Variants in ZMYND8 observed in about 807,000 individuals in gnomAD.
ZMYND8 encodes zinc finger MYND-type containing 8, also known as MYND-type zinc finger-containing chromatin reader ZMYND8.
In ZMYND8, 37 loss-of-function variants were observed where a neutral mutation model predicts 140.8. That is an observed-to-expected ratio of 0.26 (90% CI 0.20 to 0.35). The LOEUF (loss-of-function observed/expected upper bound fraction) is 0.35. Among genes scored for constraint, ZMYND8 ranks in the 10% least tolerant of loss-of-function variants. The probability of loss-of-function intolerance (pLI) is 1.00; values close to 1 mark genes in which losing one functional copy is unlikely to be tolerated. For synonymous variants in ZMYND8, 592 were observed against 597.1 expected (o/e 0.99, Z 0.12); for missense variants, 1,068 against 1,570.0 (o/e 0.68, Z 5.40).
At chr20:47,349,864 AAGG>A in intron 1 of ZMYND8, 2 of 1,535,692 alleles carry the variant, frequency 1.3e-6, no homozygotes, top group Non-Finnish European at 1.7e-6. Flanking sequence ...AACCCACTTG[AAGG>A]ATTTCTGCAG....
Position 47,224,438 on chromosome 20 carries a change from C to A in ZMYND8, c.3135G>T (p.Lys1045Asn). The A allele has an allele frequency of 6.2e-7, 1 of 1,614,264 alleles. No homozygotes were observed. The highest frequency in any genetic ancestry group is 8.5e-7 in the Non-Finnish European group (1 of 1,180,052). ...CCTTCTTGCAGTTGGCGCACCACTGCTTCTTCTTGGTCTCATCCACCGCCT... is the reference window on the plus strand; with the variant it reads ...CCTTCTTGCAGTTGGCGCACCACTGATTCTTCTTGGTCTCATCCACCGCCT... ...KQQAVDETKK[K>N]QWCANCKKEA... is the part of the protein sequence containing the mutation. The change falls in exon 19 of 23, where the codon AAG (lysine) becomes AAT (asparagine). Residue 1045 changes from lysine to asparagine, a missense_variant. Physicochemically the swap from Lys to Asn is moderately conservative, Grantham distance 94. This residue lies in a region of ZMYND8 where 87 missense variants were observed against 151.1 expected (regional missense o/e 0.58). Coordinates refer to ENST00000471951, the MANE Select transcript of ZMYND8 (RefSeq NM_001281775.3).
chr20:47,263,257 A>C (rs142107936), intron 11 of ZMYND8, among the ~76,000 whole-genome samples: 1 of 151,676 alleles, frequency 6.6e-6, no homozygotes, highest in Non-Finnish European at 1.5e-5. Flanking sequence ...GCCCATTTAA[A>C]AACAGCTGGG....
chr20:47,272,059 G>T (rs899578129), intron 11 of ZMYND8, among the ~76,000 whole-genome samples: 5 of 151,490 alleles, frequency 3.3e-5, no homozygotes, highest in Non-Finnish European at 7.4e-5. Context: ...TAAAAAAAGG[G>T]GGGGGGGAGT....
intron 1 of ZMYND8, chr20:47,349,844 A>T (rs572427370): frequency 6.6e-7 from 1 of 1,515,458 alleles, no homozygotes; most frequent in East Asian, 2.4e-5. Flanking sequence ...TGCAGAACTG[A>T]GCCAAAAAAA....
chr20:47,290,731 A>G (rs978511325), intron 6 of ZMYND8, among the ~76,000 whole-genome samples: 2 of 151,480 alleles, frequency 1.3e-5, no homozygotes, highest in Admixed American at 1.3e-4. Context: ...AGCTGGAATT[A>G]CAGGCGTGTG....
In ZMYND8 at chr20:47,224,580, C is replaced by T. The variant is rs148902418; in HGVS notation, c.3017-24G>A. On this transcript the variant is annotated intron_variant, in intron 18 of 22. Coordinates refer to ENST00000471951, the MANE Select transcript of ZMYND8 (RefSeq NM_001281775.3). Reference sequence around the variant, plus strand: ...CTCTGGTGGAGGAGGGGAAGAACACCGCTCATCACCTGACCCCAGCCTGGG... The same window carrying T: ...CTCTGGTGGAGGAGGGGAAGAACACTGCTCATCACCTGACCCCAGCCTGGG... 1,126 of 1,610,070 alleles carry T rather than the reference C, an allele frequency of 7.0e-4. 5 individuals carry two copies. The African/African-American group carries it at 0.013, about 18-fold the overall frequency.
chr20:47,348,344 CAA>C (rs2082500320), intron 1 of ZMYND8: 1 of 202,086 alleles, frequency 4.9e-6, no homozygotes, highest in East Asian at 1.5e-4. Flanking sequence ...TACTTTAGGG[CAA>C]AGAGTAAGAT....
intron 2 of ZMYND8, among the ~76,000 whole-genome samples, chr20:47,335,200 C>T (rs185053940): frequency 2.6e-5 from 4 of 152,052 alleles, no homozygotes; most frequent in African/African-American, 7.2e-5. Flanking sequence ...GAGCCGAGAT[C>T]GTCCCACTGC....
chr20:47,273,383 T>C (rs2076074007), intron 11 of ZMYND8, among the ~76,000 whole-genome samples: 1 of 151,998 alleles, frequency 6.6e-6, no homozygotes, highest in Non-Finnish European at 1.5e-5. Context: ...CTGTCTCTAC[T>C]AAAAATACAA....
chr20:47,306,020 C>T (rs2078452711), intron 3 of ZMYND8, among the ~76,000 whole-genome samples: 1 of 152,064 alleles, frequency 6.6e-6, no homozygotes, highest in Non-Finnish European at 1.5e-5. Flanking sequence ...AACACTGGAC[C>T]AAAGGTCTTT....
intron 14 of ZMYND8, among the ~76,000 whole-genome samples, chr20:47,241,442 C>A (rs1185706634): frequency 6.6e-6 from 1 of 151,762 alleles, no homozygotes; most frequent in African/African-American, 2.4e-5. Context: ...AGGAGCTGGG[C>A]TGGTGGGGAA....
intron 2 of ZMYND8, among the ~76,000 whole-genome samples, chr20:47,311,308 T>A (rs1241991657): frequency 2.0e-5 from 3 of 152,176 alleles, no homozygotes; most frequent in Non-Finnish European, 4.4e-5. Context: ...CAGCATCTCA[T>A]TTAAACACAT....
chr20:47,356,330 A>G, intron 1 of ZMYND8: 1 of 1,411,418 alleles, frequency 7.1e-7, no homozygotes, highest in East Asian at 3.1e-5. Flanking sequence ...GGGAAGAGGG[A>G]AAGAAAAAAA....
chr20:47,285,536 G>A (rs2147904115), intron 8 of ZMYND8, among the ~76,000 whole-genome samples: 1 of 152,230 alleles, frequency 6.6e-6, no homozygotes, highest in Non-Finnish European at 1.5e-5. Context: ...GGGGCAGGGG[G>A]GCACATATTT....
intron 2 of ZMYND8, among the ~76,000 whole-genome samples, chr20:47,322,485 G>A (rs1025257871): frequency 2.1e-5 from 3 of 145,368 alleles, no homozygotes; most frequent in Non-Finnish European, 3.0e-5. Flanking sequence ...TCTGTCTCCA[G>A]GCTGGAGTGC....
rs1326294464 is a variant in ZMYND8 at position 47,246,127 on chromosome 20, T to G, written c.2165A>C (p.His722Pro). 6.2e-7 allele frequency: 1 copy of G among 1,614,218 alleles called. No individual in the cohort carries two copies. The highest frequency in any genetic ancestry group is 2.2e-5 in the East Asian group (1 of 44,894). Residue 722 changes from histidine (H) to proline (P), a missense_variant, in exon 14 of 23, where the codon CAT (histidine) becomes CCT (proline). Coordinates refer to ENST00000471951, the MANE Select transcript of ZMYND8 (RefSeq NM_001281775.3). The part of the protein sequence containing the change: ...GKDETDSPTV[H>P]LGLDSDSESE... ...CTCTGAATCAGAGTCCAGGCCCAAA[T>G]GGACTGTTGGGGAATCCGTCTCATC... is the stretch of plus-strand genomic sequence containing the variant.
At chr20:47,277,096 A>G (rs181526360) in intron 10 of ZMYND8, among the ~76,000 whole-genome samples, 4 of 152,220 alleles carry the variant, frequency 2.6e-5, no homozygotes, top group Non-Finnish European at 5.9e-5. Context: ...GAGAAAAATA[A>G]ATCAGCCACT....
At position 47,281,086 on chromosome 20, in the gene ZMYND8, A is replaced by AGCG. The variant is rs148840706; in HGVS notation, c.998+1015_998+1016insCGC. On this transcript the variant is annotated intron_variant, in intron 10 of 22. Coordinates refer to ENST00000471951, the MANE Select transcript of ZMYND8 (RefSeq NM_001281775.3). Reference sequence around the variant, plus strand: ...GCTTCCACTACACAGGCTGGCACGCAGCAGTCATCAAATATGTATTTCTTT... The same window carrying AGCG: ...GCTTCCACTACACAGGCTGGCACGCAGCGGCAGTCATCAAATATGTATTTCTTT... Among the ~76,000 whole-genome samples the AGCG allele has an allele frequency of 7.6e-3, 1,164 of 152,354 alleles. 19 individuals carry two copies. Among genetic ancestry groups the AGCG allele is most frequent in the African/African-American group, 0.026 (1,095 of 41,582 alleles).
At chr20:47,293,162 G>A (rs1309102420) in intron 5 of ZMYND8, among the ~76,000 whole-genome samples, 1 of 22,802 alleles carries the variant, frequency 4.4e-5, no homozygotes, top group Admixed American at 3.2e-4. Flanking sequence ...GAGGGAGGGA[G>A]GGAGGGAGGG....
Sources: gnomAD v4.1 joint callset for allele counts (sites outside exome capture counted in the v4.1 genomes callset) on GRCh38, gnomAD v4.1.1 for gene constraint, gnomAD v4.1.1 regional missense constraint, MANE v1.5 for transcripts, NCBI Gene and HGNC (gene_info 2026-07-23, HGNC 2026-07-21) for gene names.